Variants in MYO1C observed in about 807,000 individuals in gnomAD.
MYO1C encodes the protein unconventional myosin-Ic.
Under a neutral mutation model 150.8 loss-of-function variants are expected in MYO1C, and 104 were observed. The observed-to-expected ratio is 0.69, with a 90% CI of 0.59 to 0.81. The LOEUF (loss-of-function observed/expected upper bound fraction) is 0.81. Among genes scored for constraint, MYO1C ranks in the 30% least tolerant of loss-of-function variants. MYO1C has a pLI of 0.00. For synonymous variants in MYO1C, 663 were observed against 579.9 expected, an observed-to-expected ratio of 1.14 and a Z score of -2.06; for missense variants, 1,504 against 1,435.0, an observed-to-expected ratio of 1.05 and a Z score of -0.78.
Position 1,474,812 on chromosome 17 carries a change from C to T in MYO1C, c.1716G>A (p.Glu572=). The part of the protein sequence containing the change: ...NNDLLFRNLK[E]TMCSSKNPIM... ...CCCGGCCTCCCCACGTCCTCCTCAC[C>T]TCCTTAAGGTTCCGGAAGAGAAGGT... Residue 572 remains glutamate, a splice_region_variant and synonymous_variant, in exon 16 of 32, where the codon GAG becomes GAA. Transcript: ENST00000648651. 1 of 1,614,108 alleles carries T rather than the reference C, an allele frequency of 6.2e-7. No individual in the cohort carries two copies. Among genetic ancestry groups the T allele is most frequent in the Non-Finnish European group, 8.5e-7 (1 of 1,179,990 alleles).
chr17:1,487,148 A>G (rs2074671002), intron 1 of MYO1C: 1 of 151,824 alleles, frequency 6.6e-6, no homozygotes, highest in Non-Finnish European at 1.5e-5. Flanking sequence ...GCACCTCCAG[A>G]CCCCCTATAG....
At chr17:1,485,775 T>TGGC (rs934285562) in intron 1 of MYO1C, 121 of 1,001,522 alleles carry the variant, frequency 1.2e-4, no homozygotes, top group Non-Finnish European at 1.4e-4. Context: ...TCGGCGGCGG[T>TGGC]GGCGGCGGCG....
intron 24 of MYO1C, 80 bp from the exon 25 acceptor site, chr17:1,469,694 C>G: frequency 8.8e-7 from 1 of 1,135,304 alleles, no homozygotes. Context: ...GCTACTGCAT[C>G]CTTTGGATAA....
At chr17:1,467,679 C>T (rs1400333894) in intron 29 of MYO1C, 102 bp from the exon 30 acceptor site, 2 of 952,274 alleles carry the variant, frequency 2.1e-6, no homozygotes, top group African/African-American at 2.0e-5. Flanking sequence ...CCACCCCCAT[C>T]CACCCTCCCA....
Position 1,483,488 on chromosome 17 carries a change from G to A in MYO1C, c.347+122C>T, listed in dbSNP as rs143926623. Reference sequence around the variant, plus strand: ...TCTGGTCACTGGGGGGCAAGAGACTGTGGGATTCCTCACAGATGTGGCGCG... The same window carrying A: ...TCTGGTCACTGGGGGGCAAGAGACTATGGGATTCCTCACAGATGTGGCGCG... On this transcript the variant is annotated intron_variant, in intron 3 of 31. Transcript: ENST00000648651. 33 of 731,666 alleles carry A rather than the reference G, an allele frequency of 4.5e-5. No individual in the cohort carries two copies. The Middle Eastern group carries it at 1.0e-3, about 23-fold the overall frequency. The allele number at this position is 731,666 out of a possible 1,614,324, so 45.3% of individuals were successfully genotyped here. A position where few individuals can be genotyped will look rare whatever the true frequency, so the allele number is the denominator to read the frequency against.
At chr17:1,480,462 C>CA (rs534880243) in intron 7 of MYO1C, 65 bp downstream of exon 7, 13,275 of 1,182,438 alleles carry the variant, frequency 0.011, no homozygotes, top group Non-Finnish European at 0.014. Flanking sequence ...AAATAAAAAA[C>CA]AAAAAAAAAA....
rs1247079442 is a variant in MYO1C at position 1,467,920 on chromosome 17, G to A, written c.2897-10C>T. 5.6e-6 allele frequency: 9 copies of A among 1,612,474 alleles called. No individual in the cohort carries two copies. Among genetic ancestry groups the A allele is most frequent in the African/African-American group, 1.3e-5 (1 of 74,368 alleles). On this transcript the variant is annotated splice_polypyrimidine_tract_variant and intron_variant, in intron 28 of 31. Coordinates refer to ENST00000648651, the MANE Select transcript of MYO1C (RefSeq NM_001080779.2). ...CTGCTGACAGAGATTCCTGAGGGGAGAGGGCAAAGGTCAGAGGTCGAGGGT... is the reference window on the plus strand; with the variant it reads ...CTGCTGACAGAGATTCCTGAGGGGAAAGGGCAAAGGTCAGAGGTCGAGGGT...
At chr17:1,491,183 C>T (rs1471962016) in intron 1 of MYO1C, 1 of 152,268 alleles carries the variant, frequency 6.6e-6, no homozygotes, top group African/African-American at 2.4e-5. Flanking sequence ...GACTGAGGGC[C>T]GCGTGGCCAT....
chr17:1,470,553 C>T (rs1462850760), intron 22 of MYO1C, 34 bp from the exon 23 acceptor site: 3 of 1,564,522 alleles, frequency 1.9e-6, no homozygotes, highest in Non-Finnish European at 2.6e-6. Context: ...TGAACTCTAT[C>T]TTCTTACCAT....
rs372349171 is a variant in MYO1C at position 1,478,691 on chromosome 17, G to A, written c.1137C>T (p.Asp379=). ...LNLEQAAYAR[D]ALAKAVYSRT... The stretch of plus-strand genomic sequence containing the variant: ...GGCTGTACACAGCCTTGGCGAGGGC[G>A]TCTCGTGCGTACGCGGCCTGCTCCA... Residue 379 remains aspartate (D), a synonymous_variant, in exon 10 of 32, where the codon GAC becomes GAT. Transcript: ENST00000648651. The surrounding 1 kb of genome is among the most constrained non-coding windows in gnomAD (Gnocchi z 6.3). 3.2e-5 allele frequency: 52 copies of A among 1,614,166 alleles called. No individual in the cohort carries two copies. Among genetic ancestry groups the A allele is most frequent in the South Asian group, 2.2e-4 (20 of 91,088 alleles).
In MYO1C at chr17:1,479,566, C is replaced by A. The variant is rs757106390; in HGVS notation, c.1020+26G>T. 4 of 1,560,848 alleles carry A rather than the reference C, an allele frequency of 2.6e-6. No individual in the cohort carries two copies. Among genetic ancestry groups the A allele is most frequent in the East Asian group, 4.6e-5 (2 of 43,752 alleles). On this transcript the variant is annotated intron_variant, in intron 8 of 31. Transcript: ENST00000648651. This position sits in a 1 kb window ranked among gnomAD's most constrained non-coding sequence, Gnocchi z 4.2. ...CCAGCCCCCGCCCCCGCCGTCCTCC[C>A]GTCGCCCTCTGCCCGCCCCACTCAC...
At chr17:1,466,297 A>G (rs2074169954) in intron 31 of MYO1C, among the ~76,000 whole-genome samples, 1 of 151,278 alleles carries the variant, frequency 6.6e-6, no homozygotes, top group Non-Finnish European at 1.5e-5. Flanking sequence ...AGCAACTGGG[A>G]CTACAGGCAT....
Position 1,467,591 on chromosome 17 carries a change from CAGG to C in MYO1C, c.2968-17_2968-15del, listed in dbSNP as rs767889201. On this transcript the variant is annotated splice_polypyrimidine_tract_variant and intron_variant, in intron 29 of 31. Transcript: ENST00000648651. ...CACCACATCTCCCTGGGGGGCCAGG[CAGG>C]AGGAGGGGTCAGGCCCTGCCCAGAA... The C allele has an allele frequency of 1.8e-5, 29 of 1,611,554 alleles. No individual in the cohort carries two copies. Among genetic ancestry groups the C allele is most frequent in the African/African-American group, 2.7e-5 (2 of 74,770 alleles).
intron 1 of MYO1C, chr17:1,486,348 A>G (rs2074655121): frequency 6.6e-6 from 1 of 152,224 alleles, no homozygotes; most frequent in African/African-American, 2.4e-5. Flanking sequence ...GGGACGGCCA[A>G]CGGGTGCCCT....
chr17:1,481,377 TG>T (rs779886592), intron 5 of MYO1C: 2 of 173,300 alleles, frequency 1.2e-5, no homozygotes. Flanking sequence ...CACACTGGTC[TG>T]AGCCAATGTC....
chr17:1,488,254 G>T (rs1030166759), intron 1 of MYO1C, among the ~76,000 whole-genome samples: 2 of 152,094 alleles, frequency 1.3e-5, no homozygotes, highest in African/African-American at 2.4e-5. Flanking sequence ...CCGCATTCCC[G>T]GGATGCCCGC....
At position 1,482,529 on chromosome 17, in the gene MYO1C, G is replaced by A. The variant is rs367638622; in HGVS notation, c.576C>T (p.Asn192=). ...ACTTCCCGAACCTGCTGGAGTTATC[G>A]TTCCGGAGGGTCTTGGCATTTCCAA... ...EAFGNAKTLR[N]DNSSRFGKYM... is the part of the protein sequence containing the mutation. Residue 192 remains asparagine, a synonymous_variant, in exon 5 of 32, where the codon AAC becomes AAT. Coordinates refer to ENST00000648651, the MANE Select transcript of MYO1C (RefSeq NM_001080779.2). 112 of 1,613,886 alleles carry A rather than the reference G, an allele frequency of 6.9e-5. No homozygotes were observed. The highest frequency in any genetic ancestry group is 7.6e-5 in the Non-Finnish European group (90 of 1,179,978).
Position 1,472,010 on chromosome 17 carries a change from C to A in MYO1C, c.1918G>T (p.Val640Leu). The A allele has an allele frequency of 1.9e-6, 3 of 1,614,098 alleles. No individual in the cohort carries two copies. Among genetic ancestry groups the A allele is most frequent in the Non-Finnish European group, 2.5e-6 (3 of 1,179,994 alleles). ...DAKQPGRFDE[V>L]LIRHQVKYLG... ...TACTTCACCTGGTGGCGGATCAGCA[C>A]CTCGTCAAAGCGGCCTGGGGTAGGG... Residue 640 changes from valine to leucine, a missense_variant, in exon 19 of 32, where the codon GTG (valine) becomes TTG (leucine). By Grantham distance (32) the Val-to-Leu change is conservative. Transcript: ENST00000648651.
In MYO1C at chr17:1,468,452, C is replaced by T. The variant is rs2074227905; in HGVS notation, c.2655G>A (p.Lys885=). 6.2e-7 allele frequency: 1 copy of T among 1,613,998 alleles called. No individual in the cohort carries two copies. The highest frequency in any genetic ancestry group is 1.3e-5 in the African/African-American group (1 of 74,992). ...TGGGTACACTCTGAGGGTAATTATCCTTCTTGCCCTTGAAGATCTCACTAG... is the reference window on the plus strand; with the variant it reads ...TGGGTACACTCTGAGGGTAATTATCTTTCTTGCCCTTGAAGATCTCACTAG... ...AVASEIFKGK[K]DNYPQSVPRL... The change falls in exon 26 of 32, where the codon AAG becomes AAA. Residue 885 remains lysine (K), a synonymous_variant. Transcript: ENST00000648651.
Sources: allele counts gnomAD v4.1 joint callset (sites outside exome capture counted in the v4.1 genomes callset), GRCh38; gene constraint gnomAD v4.1.1; non-coding constraint Gnocchi (gnomAD v3.1); transcripts MANE v1.5; gene names NCBI Gene and HGNC (gene_info 2026-07-23, HGNC 2026-07-21).